SOBP: variants seen among roughly 807,000 people sequenced by gnomAD.
SOBP encodes the protein sine oculis-binding protein homolog.
Under a neutral mutation model 53.6 loss-of-function variants are expected in SOBP, and 4 were observed. That is an observed-to-expected ratio of 0.07 (90% CI 0.04 to 0.17). The LOEUF (loss-of-function observed/expected upper bound fraction) is 0.17, where lower values mean the gene tolerates loss of function less well. Ranked by LOEUF, SOBP falls within the 10% of genes least tolerant of loss-of-function variation. The probability of loss-of-function intolerance (pLI) is 1.00; values close to 1 mark genes in which losing one functional copy is unlikely to be tolerated. For missense variants in SOBP, 1,088 were observed against 1,204.7 expected (o/e 0.90, Z 1.43); for synonymous variants, 584 against 522.6 (o/e 1.12, Z -1.60).
chr6:107,618,049 G>A (rs1465909104), intron 5 of SOBP, among the ~76,000 whole-genome samples: 1 of 151,956 alleles, frequency 6.6e-6, no homozygotes, highest in Non-Finnish European at 1.5e-5. Flanking sequence ...GGCTGGTCTT[G>A]AACTCCTGAC....
chr6:107,523,803 G>A (rs75767930), intron 3 of SOBP, among the ~76,000 whole-genome samples: 3,546 of 152,354 alleles, frequency 0.023, 62 homozygotes, highest in Non-Finnish European at 0.037. Context: ...TGGAGCCCTG[G>A]GAGCAGGCCA....
intron 6 of SOBP, among the ~76,000 whole-genome samples, chr6:107,648,699 C>T (rs1771666446): frequency 6.6e-6 from 1 of 152,050 alleles, no homozygotes; most frequent in African/African-American, 2.4e-5. Flanking sequence ...TCAGCTCTCC[C>T]AGCGGGAGGG....
At chr6:107,523,458 T>A (rs1429298784) in intron 3 of SOBP, among the ~76,000 whole-genome samples, 5 of 152,268 alleles carry the variant, frequency 3.3e-5, no homozygotes, top group African/African-American at 4.8e-5. Flanking sequence ...CTGCATACCC[T>A]TCAACCTACT....
chr6:107,542,718 A>C (rs530101146), intron 4 of SOBP, among the ~76,000 whole-genome samples: 1 of 152,138 alleles, frequency 6.6e-6, no homozygotes, highest in Admixed American at 6.5e-5. Flanking sequence ...AAGTGTATTG[A>C]ACCAATTTAG....
chr6:107,521,841 T>C (rs895290364), intron 3 of SOBP, among the ~76,000 whole-genome samples: 3 of 151,768 alleles, frequency 2.0e-5, no homozygotes, highest in African/African-American at 4.8e-5. Context: ...CATTTTATTC[T>C]AGTGAGCAAA....
At chr6:107,612,059 A>G (rs1050348061) in intron 5 of SOBP, among the ~76,000 whole-genome samples, 1 of 152,206 alleles carries the variant, frequency 6.6e-6, no homozygotes, top group South Asian at 2.1e-4. Context: ...TCTAAGGCCT[A>G]TTAGAAAATA....
At chr6:107,542,825 G>C (rs1032365324) in intron 4 of SOBP, among the ~76,000 whole-genome samples, 6 of 151,918 alleles carry the variant, frequency 3.9e-5, no homozygotes, top group African/African-American at 1.5e-4. Flanking sequence ...TGTTGGGTAA[G>C]TGTTCTGACA....
chr6:107,573,705 C>T (rs1214531338), intron 4 of SOBP, among the ~76,000 whole-genome samples: 3 of 152,198 alleles, frequency 2.0e-5, no homozygotes, highest in Non-Finnish European at 4.4e-5. Flanking sequence ...TTGCTTTTTA[C>T]TTCCTTAAAA....
chr6:107,604,428 G>T (rs1786291651), intron 5 of SOBP, among the ~76,000 whole-genome samples: 1 of 152,158 alleles, frequency 6.6e-6, no homozygotes, highest in African/African-American at 2.4e-5. Flanking sequence ...TGTGGTTATT[G>T]TCTTGTGATA....
chr6:107,568,658 A>G (rs938507361), intron 4 of SOBP, among the ~76,000 whole-genome samples: 3 of 152,228 alleles, frequency 2.0e-5, no homozygotes, highest in Non-Finnish European at 4.4e-5. Flanking sequence ...CTGCCAGTCA[A>G]TAGGGACACT....
chr6:107,499,931 CATGTATATATATATGAAACAGGAAATG>C (rs1782794902), intron 1 of SOBP, among the ~76,000 whole-genome samples: 1 of 152,002 alleles, frequency 6.6e-6, no homozygotes. Flanking sequence ...GTATGAAACA[CATGTATATATATATGAAACAGGAAATG>C]AATAACTTTT....
intron 5 of SOBP, among the ~76,000 whole-genome samples, chr6:107,609,194 A>G (rs1410310796): frequency 1.3e-5 from 2 of 152,182 alleles, no homozygotes; most frequent in Non-Finnish European, 2.9e-5. Context: ...TAGATGTACT[A>G]TTGTTGTAGT....
At chr6:107,518,882 A>G (rs999368278) in intron 3 of SOBP, among the ~76,000 whole-genome samples, 13 of 152,096 alleles carry the variant, frequency 8.5e-5, no homozygotes, top group African/African-American at 3.1e-4. Context: ...ACTAAGCCCT[A>G]GAATGTAATT....
chr6:107,498,996 CT>C (rs1234902229), intron 1 of SOBP, among the ~76,000 whole-genome samples: 1 of 152,120 alleles, frequency 6.6e-6, no homozygotes, highest in Non-Finnish European at 1.5e-5. Context: ...TTGAGCACCC[CT>C]GTTAAGGAAA....
intron 4 of SOBP, among the ~76,000 whole-genome samples, chr6:107,554,884 C>G (rs934241713): frequency 1.3e-5 from 2 of 152,110 alleles, no homozygotes; most frequent in Non-Finnish European, 2.9e-5. Context: ...GGTGGAGAAA[C>G]TGTTATTCTG....
intron 5 of SOBP, among the ~76,000 whole-genome samples, chr6:107,608,969 C>T (rs1033896829): frequency 1.3e-5 from 2 of 152,174 alleles, no homozygotes; most frequent in African/African-American, 4.8e-5. Flanking sequence ...CACTCCCCCG[C>T]CCCAAACCAC....
intron 5 of SOBP, among the ~76,000 whole-genome samples, chr6:107,590,268 A>G (rs1785700734): frequency 6.6e-6 from 1 of 152,190 alleles, no homozygotes; most frequent in Admixed American, 6.5e-5. Context: ...TGGAGGGGAA[A>G]GACCTCTAGT....
chr6:107,640,804 A>G (rs1016538845), intron 6 of SOBP, among the ~76,000 whole-genome samples: 48 of 152,356 alleles, frequency 3.2e-4, no homozygotes, highest in Non-Finnish European at 1.6e-4. Flanking sequence ...CATCTTCAGC[A>G]GGACTGGGAC....
In SOBP at chr6:107,591,966, G is replaced by GTGTTT. The variant is rs1162357377; in HGVS notation, c.669+4793_669+4797dup. On this transcript the variant is annotated intron_variant, in intron 5 of 6. Coordinates refer to ENST00000317357, the MANE Select transcript of SOBP (RefSeq NM_018013.4). ...TGTGAGGGACAGATTTGGTCTTTTG[G>GTGTTT]TGTTTTTTTTTTTTTTTTTTTTTTT... Among the ~76,000 whole-genome samples the GTGTTT allele has an allele frequency of 4.9e-5, 4 of 82,462 alleles. No individual in the cohort carries two copies. The East Asian group carries it at 1.5e-3, about 32-fold the overall frequency. The allele number at this position is 82,462 out of a possible 152,430, so 54.1% of individuals were successfully genotyped here. A position where few individuals can be genotyped will look rare whatever the true frequency, so the allele number is the denominator to read the frequency against.
Sources: gnomAD v4.1 joint callset for allele counts (sites outside exome capture counted in the v4.1 genomes callset) on GRCh38, gnomAD v4.1.1 for gene constraint, MANE v1.5 for transcripts, NCBI Gene and HGNC (gene_info 2026-07-23, HGNC 2026-07-21) for gene names.